ZC4H2: variants seen among roughly 807,000 people sequenced by gnomAD.
ZC4H2 encodes the protein zinc finger C4H2 domain-containing protein.
For synonymous variants in ZC4H2, 84 were observed against 66.3 expected (o/e 1.27, Z -1.30); for missense variants, 137 against 173.9 (o/e 0.79, Z 1.19).
intron 1 of ZC4H2, among the ~76,000 whole-genome samples, chrX:65,002,348 G>A (rs1392240377): frequency 9.2e-6 from 1 of 108,437 alleles, no homozygotes; most frequent in African/African-American, 3.3e-5. Flanking sequence ...CCGGGAGGGA[G>A]GCAGGGGGTC....
At chrX:64,921,237 T>C (rs1350725791) in intron 2 of ZC4H2, among the ~76,000 whole-genome samples, 8 of 112,282 alleles carry the variant, frequency 7.1e-5, no homozygotes, top group Non-Finnish European at 1.5e-4. Context: ...TGGTCAGCAC[T>C]GCCAACCTCC....
chrX:65,030,016 C>G (rs1360291095), intron 1 of ZC4H2, among the ~76,000 whole-genome samples: 1 of 112,220 alleles, frequency 8.9e-6, no homozygotes, highest in Non-Finnish European at 1.9e-5. Flanking sequence ...TAAATGGAAA[C>G]AGTGAACAAA....
upstream of ZC4H2, among the ~76,000 whole-genome samples, chrX:64,976,994 TG>T (rs1282043487): frequency 9.2e-6 from 1 of 109,151 alleles, no homozygotes; most frequent in Non-Finnish European, 1.9e-5. Context: ...GAAAGGAGAG[TG>T]GGTAAGTACT....
intron 1 of ZC4H2, among the ~76,000 whole-genome samples, chrX:64,935,022 A>G (rs868612147): frequency 6.6e-4 from 73 of 110,930 alleles, no homozygotes; most frequent in African/African-American, 2.2e-3. Context: ...GGAGCCAAGT[A>G]GTCTTGCTCA....
intron 4 of ZC4H2, 32 bp from the exon 5 acceptor site, chrX:64,917,928 T>C (rs1224008287): frequency 1.7e-6 from 2 of 1,182,079 alleles, no homozygotes; most frequent in East Asian, 3.1e-5. Context: ...AGAAAGTTAG[T>C]AGTCAGATTC....
At chrX:64,929,131 G>A (rs1190583137) in intron 1 of ZC4H2, among the ~76,000 whole-genome samples, 1 of 111,075 alleles carries the variant, frequency 9.0e-6, no homozygotes, top group East Asian at 2.8e-4. Flanking sequence ...GGCCTCCAGT[G>A]ATCTGCCTTC....
At chrX:64,941,906 A>T (rs1439141568) in intron 1 of ZC4H2, among the ~76,000 whole-genome samples, 1 of 112,405 alleles carries the variant, frequency 8.9e-6, no homozygotes, top group Non-Finnish European at 1.9e-5. Flanking sequence ...CTGGCCTCAT[A>T]AAATGAGTTA....
intron 1 of ZC4H2, among the ~76,000 whole-genome samples, chrX:64,953,996 T>G (rs1931007474): frequency 9.1e-6 from 1 of 109,650 alleles, no homozygotes; most frequent in African/African-American, 3.3e-5. Flanking sequence ...CCATAAAAAA[T>G]GATGAGTTCA....
At chrX:65,005,586 G>C (rs1470326304) in intron 1 of ZC4H2, among the ~76,000 whole-genome samples, 2 of 111,144 alleles carry the variant, frequency 1.8e-5, no homozygotes, top group Non-Finnish European at 3.8e-5. Context: ...TTAAGCATTA[G>C]ACCTAAAACC....
intron 2 of ZC4H2, among the ~76,000 whole-genome samples, chrX:64,921,103 A>C (rs930977821): frequency 8.9e-6 from 1 of 112,575 alleles, no homozygotes; most frequent in African/African-American, 3.2e-5. Context: ...GTCTGACAAC[A>C]TCAGAAAATG....
intron 1 of ZC4H2, among the ~76,000 whole-genome samples, chrX:64,960,491 T>C (rs1034808388): frequency 4.5e-5 from 5 of 111,568 alleles, no homozygotes; most frequent in African/African-American, 1.6e-4. Flanking sequence ...ATAGCCAAGG[T>C]AGAAGAACTT....
At chrX:64,996,175 C>A (rs754354550) in intron 1 of ZC4H2, among the ~76,000 whole-genome samples, 1 of 111,627 alleles carries the variant, frequency 9.0e-6, no homozygotes, top group African/African-American at 3.3e-5. Context: ...TTTGTAAAGA[C>A]AGAAATAGGT....
At chrX:65,016,960 C>G (rs2147289247) in intron 1 of ZC4H2, among the ~76,000 whole-genome samples, 1 of 112,287 alleles carries the variant, frequency 8.9e-6, no homozygotes, top group Admixed American at 9.4e-5. Flanking sequence ...TGTTCCCATT[C>G]TTTGGCCTAC....
At chrX:64,919,575 C>G (rs768596369) in intron 3 of ZC4H2, 2 of 153,883 alleles carry the variant, frequency 1.3e-5, no homozygotes, top group Non-Finnish European at 2.5e-5. Context: ...ACACCTTGCT[C>G]TACCTTTAGG....
At chrX:64,937,153 C>T (rs1930052027) in intron 1 of ZC4H2, among the ~76,000 whole-genome samples, 1 of 109,581 alleles carries the variant, frequency 9.1e-6, no homozygotes, top group South Asian at 3.9e-4. Context: ...TTGAAACTAA[C>T]CTGTTGGTTG....
intron 1 of ZC4H2, among the ~76,000 whole-genome samples, chrX:64,942,741 T>G (rs890836934): frequency 1.8e-5 from 2 of 112,038 alleles, no homozygotes; most frequent in Non-Finnish European, 3.8e-5. Context: ...TGATGGGCAT[T>G]TGCATTGGTT....
At chrX:64,985,563 G>T (rs1007598414) in intron 1 of ZC4H2, among the ~76,000 whole-genome samples, 1 of 111,381 alleles carries the variant, frequency 9.0e-6, no homozygotes, top group Non-Finnish European at 1.9e-5. Flanking sequence ...CCTGCTTTGG[G>T]GATGCTCATA....
At position 64,919,029 on chromosome X, in the gene ZC4H2, C is replaced by G. The variant is rs1184105637; in HGVS notation, c.561+13G>C. 2 of 1,150,053 alleles carry G rather than the reference C, an allele frequency of 1.7e-6. No homozygotes were observed. Among genetic ancestry groups the G allele is most frequent in the Admixed American group, 2.6e-5 (1 of 37,961 alleles). 94.8% of individuals were successfully genotyped at this position (1,150,053 alleles called of 1,213,427 possible). On this transcript the variant is annotated intron_variant, in intron 4 of 4. Transcript: ENST00000374839. Reference sequence around the variant, plus strand: ...ACTTTGCTTCCTCCACAACCATTACCCAGCTCACTTACCTTCATAGGTGGG... The same window carrying G: ...ACTTTGCTTCCTCCACAACCATTACGCAGCTCACTTACCTTCATAGGTGGG...
At chrX:65,015,439 T>C (rs931410095) in intron 1 of ZC4H2, among the ~76,000 whole-genome samples, 7 of 112,207 alleles carry the variant, frequency 6.2e-5, no homozygotes, top group African/African-American at 1.9e-4. Flanking sequence ...TTCCATGCAA[T>C]GATGGGTATG....
Sources: gnomAD v4.1 joint callset for allele counts (sites outside exome capture counted in the v4.1 genomes callset) on GRCh38, gnomAD v4.1.1 for gene constraint, MANE v1.5 for transcripts, NCBI Gene and HGNC (gene_info 2026-07-23, HGNC 2026-07-21) for gene names.